The following SLC9D1 variants were observed in gnomAD, a reference collection of about 807,000 sequenced individuals.
SLC9D1 encodes the protein solute carrier family 9 member D1.
the SLC9D1 span, among the ~76,000 whole-genome samples, chr13:113,517,422 G>A: frequency 1.3e-5 from 2 of 152,052 alleles, no homozygotes; most frequent in Non-Finnish European, 2.9e-5. Flanking sequence ...TAGAGACGGG[G>A]TTTCACCGTG....
the SLC9D1 span, among the ~76,000 whole-genome samples, chr13:113,541,344 C>T: frequency 6.8e-5 from 10 of 147,188 alleles, no homozygotes; most frequent in South Asian, 2.1e-4. Context: ...GCCATGCACA[C>T]GATTGCTGAT....
At chr13:113,525,015 A>G in the SLC9D1 span, among the ~76,000 whole-genome samples, 1 of 151,822 alleles carries the variant, frequency 6.6e-6, no homozygotes, top group Non-Finnish European at 1.5e-5. Context: ...TAATGTTTTG[A>G]GTGTATTGCT....
At chr13:113,550,229 A>T in the SLC9D1 span, 1 of 152,110 alleles carries the variant, frequency 6.6e-6, no homozygotes, top group East Asian at 1.9e-4. Context: ...GTTTTTATTA[A>T]TTTTTTTGTA....
At chr13:113,522,168 A>T in the SLC9D1 span, among the ~76,000 whole-genome samples, 1 of 152,204 alleles carries the variant, frequency 6.6e-6, no homozygotes, top group Non-Finnish European at 1.5e-5. Flanking sequence ...TCAGTCTCTC[A>T]CCACTAGGTA....
At chr13:113,492,210 A>G in the SLC9D1 span, among the ~76,000 whole-genome samples, 1 of 152,202 alleles carries the variant, frequency 6.6e-6, no homozygotes, top group African/African-American at 2.4e-5. Context: ...TCCTGACCTC[A>G]AGCAGTTCGC....
At chr13:113,547,403 C>T in the SLC9D1 span, 3 of 1,588,940 alleles carry the variant, frequency 1.9e-6, no homozygotes, top group Non-Finnish European at 1.7e-6. Flanking sequence ...GGGTCCACGC[C>T]CCTCGCAGTT....
the SLC9D1 span, chr13:113,547,467 C>T: frequency 9.9e-6 from 11 of 1,112,170 alleles, no homozygotes; most frequent in South Asian, 5.1e-5. Context: ...GGGCCCACAT[C>T]GGGCCTGCAG....
At chr13:113,518,974 G>T in the SLC9D1 span, among the ~76,000 whole-genome samples, 4 of 151,898 alleles carry the variant, frequency 2.6e-5, no homozygotes, top group Admixed American at 6.5e-5. Flanking sequence ...GGTTTTGTGT[G>T]GTTCTGCTGT....
the SLC9D1 span, chr13:113,539,421 C>A: frequency 3.1e-6 from 5 of 1,613,734 alleles, no homozygotes; most frequent in Non-Finnish European, 4.2e-6. The surrounding 1 kb of genome is among the most constrained non-coding windows in gnomAD (Gnocchi z 4.8). Context: ...CTCGTCTCCT[C>A]TCAGGGCCCC....
the SLC9D1 span, chr13:113,503,435 T>G: frequency 7.6e-7 from 1 of 1,317,490 alleles, no homozygotes; most frequent in Admixed American, 1.8e-5. Context: ...GATTGTTGAG[T>G]TAAGTATACT....
At chr13:113,543,146 G>A in the SLC9D1 span, among the ~76,000 whole-genome samples, 2 of 41,198 alleles carry the variant, frequency 4.9e-5, no homozygotes, top group African/African-American at 1.8e-4. Flanking sequence ...CCTCCTCCCC[G>A]TGCCCCCCGC....
the SLC9D1 span, chr13:113,503,546 T>C: frequency 2.5e-6 from 4 of 1,613,902 alleles, no homozygotes; most frequent in South Asian, 1.1e-5. Context: ...TTTTTACTCT[T>C]TTTCTTGTTG....
the SLC9D1 span, among the ~76,000 whole-genome samples, chr13:113,521,304 A>C: frequency 6.7e-6 from 1 of 150,264 alleles, no homozygotes; most frequent in African/African-American, 2.5e-5. Flanking sequence ...TATGTGGGGT[A>C]TATCTGTGTG....
chr13:113,537,672 C>T, the SLC9D1 span, among the ~76,000 whole-genome samples: 42 of 152,314 alleles, frequency 2.8e-4, no homozygotes, highest in East Asian at 7.9e-3. Flanking sequence ...GATCCGCCTG[C>T]CCCTGGGTCG....
At chr13:113,530,291 A>G in the SLC9D1 span, 2 of 152,222 alleles carry the variant, frequency 1.3e-5, no homozygotes, top group Non-Finnish European at 2.9e-5. Flanking sequence ...GATTGTGGTA[A>G]TAGTTGTGTA....
chr13:113,547,610 G>T, the SLC9D1 span, among the ~76,000 whole-genome samples: 1 of 152,208 alleles, frequency 6.6e-6, no homozygotes, highest in Non-Finnish European at 1.5e-5. Flanking sequence ...GTGTTTAAAG[G>T]GGGGAACTAA....
the SLC9D1 span, among the ~76,000 whole-genome samples, chr13:113,496,423 G>GT: frequency 6.6e-6 from 1 of 152,162 alleles, no homozygotes; most frequent in Admixed American, 6.5e-5. Context: ...TTAGTGTGAA[G>GT]TTTGACTTTT....
At chr13:113,510,973 C>T in the SLC9D1 span, among the ~76,000 whole-genome samples, 6 of 118,846 alleles carry the variant, frequency 5.0e-5, no homozygotes, top group East Asian at 5.3e-4. Context: ...TGTCCCTCTG[C>T]GGGGAGGACA....
At chr13:113,511,548 G>A in the SLC9D1 span, among the ~76,000 whole-genome samples, 170 of 152,326 alleles carry the variant, frequency 1.1e-3, no homozygotes, top group South Asian at 0.033. Flanking sequence ...GGCCTGAGGC[G>A]CCAGTAGGAC....
Sources: gnomAD v4.1 joint callset for allele counts (sites outside exome capture counted in the v4.1 genomes callset) on GRCh38, gnomAD v4.1.1 for gene constraint, Gnocchi (gnomAD v3.1) non-coding constraint, MANE v1.5 for transcripts, NCBI Gene and HGNC (gene_info 2026-07-23, HGNC 2026-07-21) for gene names.